ADAMTS17: variants seen among roughly 807,000 people sequenced by gnomAD.
ADAMTS17 encodes A disintegrin and metalloproteinase with thrombospondin motifs 17.
In ADAMTS17, 113 loss-of-function variants were observed where a neutral mutation model predicts 141.5. The ratio of observed to expected loss-of-function variants is 0.80; its 90% CI spans 0.69 to 0.93. The LOEUF (loss-of-function observed/expected upper bound fraction) is 0.93. Ranked by LOEUF, ADAMTS17 falls within the 40% of genes least tolerant of loss-of-function variation. The pLI, the probability that ADAMTS17 is intolerant of heterozygous loss-of-function variation, is 0.00. For synonymous variants in ADAMTS17, 768 were observed against 630.6 expected, an observed-to-expected ratio of 1.22 and a Z score of -3.27; for missense variants, 1,659 against 1,517.9, an observed-to-expected ratio of 1.09 and a Z score of -1.54.
At chr15:100,134,451 TTGGAGCAGGAAGACA>T (rs2038221658) in intron 10 of ADAMTS17, among the ~76,000 whole-genome samples, 4 of 152,166 alleles carry the variant, frequency 2.6e-5, no homozygotes, top group African/African-American at 9.7e-5. Flanking sequence ...AAGGCCCAAG[TTGGAGCAGGAAGACA>T]TCACCCTCCA....
chr15:100,242,939 C>G (rs2042870705), intron 7 of ADAMTS17, among the ~76,000 whole-genome samples: 1 of 152,220 alleles, frequency 6.6e-6, no homozygotes, highest in South Asian at 2.1e-4. Context: ...AACTTTTCAT[C>G]TTCCTCAACT....
chr15:99,984,203 C>T lies in ADAMTS17; in HGVS notation c.2950-7981G>A, dbSNP rs373240304. On this transcript the variant is annotated intron_variant, in intron 20 of 21. Transcript: ENST00000268070. The stretch of plus-strand genomic sequence containing the variant: ...CAGGGAACCAGGAGGCTGAGGTGAC[C>T]CCCGATGGCCTGCAGGGGCCGGGTC... Among the ~76,000 whole-genome samples the T allele has an allele frequency of 3.3e-4, 51 of 152,242 alleles. 1 individual carries two copies. The highest frequency in any genetic ancestry group is 1.1e-3 in the African/African-American group (44 of 41,532).
chr15:100,005,654 G>A (rs770595257), intron 18 of ADAMTS17, among the ~76,000 whole-genome samples: 3 of 152,090 alleles, frequency 2.0e-5, no homozygotes, highest in Non-Finnish European at 2.9e-5. Context: ...TTACCAACCC[G>A]ATAATCAGTT....
At chr15:100,019,391 G>A (rs1466231456) in intron 18 of ADAMTS17, among the ~76,000 whole-genome samples, 1 of 152,138 alleles carries the variant, frequency 6.6e-6, no homozygotes. Context: ...TACAGCGATT[G>A]TAAAGATTTG....
At position 100,190,157 on chromosome 15, in the gene ADAMTS17, C is replaced by T. The variant is rs569837284; in HGVS notation, c.1181+9161G>A. Among the ~76,000 whole-genome samples the T allele has an allele frequency of 7.2e-5, 11 of 152,322 alleles. 1 individual carries two copies. Among genetic ancestry groups the T allele is most frequent in the Middle Eastern group, 6.8e-3 (2 of 294 alleles). On this transcript the variant is annotated intron_variant, in intron 8 of 21. Transcript: ENST00000268070. ...ACTCGCTAAGAAAATGATAACCTCC[C>T]TCATTCTACATCCATCTACTGATGT... is the stretch of plus-strand genomic sequence containing the variant.
rs55686011 is a variant in ADAMTS17 at position 100,301,491 on chromosome 15, A to ATTT, written c.617-20093_617-20091dup. 4.8e-3 allele frequency among the ~76,000 whole-genome samples: 637 copies of ATTT among 133,288 alleles called. 5 individuals are homozygous for ATTT. Among genetic ancestry groups the ATTT allele is most frequent in the African/African-American group, 0.016 (577 of 35,304 alleles). 87.4% of individuals were successfully genotyped at this position (133,288 alleles called of 152,430 possible). A position where few individuals can be genotyped will look rare whatever the true frequency, so the allele number is the denominator to read the frequency against. ...AGGCGCCCACCACCACACCGGGCTA[A>ATTT]TTTTTTTTTTTTTTTTTTTGTATAT... is the stretch of plus-strand genomic sequence containing the variant. On this transcript the variant is annotated intron_variant, in intron 3 of 21. Coordinates refer to ENST00000268070, the MANE Select transcript of ADAMTS17 (RefSeq NM_139057.4).
At chr15:100,287,309 C>T (rs1024739970) in intron 3 of ADAMTS17, among the ~76,000 whole-genome samples, 13 of 152,288 alleles carry the variant, frequency 8.5e-5, no homozygotes, top group African/African-American at 3.1e-4. Context: ...AGTTCGAAGA[C>T]TGGTTCTCTG....
At chr15:100,247,463 A>C (rs1435682434) in intron 7 of ADAMTS17, among the ~76,000 whole-genome samples, 1 of 152,194 alleles carries the variant, frequency 6.6e-6, no homozygotes, top group African/African-American at 2.4e-5. Context: ...ACTGTAACAC[A>C]GAAAACGCTG....
intron 15 of ADAMTS17, among the ~76,000 whole-genome samples, chr15:100,056,573 G>A (rs184860322): frequency 6.6e-6 from 1 of 152,166 alleles, no homozygotes; most frequent in South Asian, 2.1e-4. Context: ...GCGCTCCTAT[G>A]AGAATCTAAT....
chr15:100,264,188 T>G (rs2043629811), intron 4 of ADAMTS17, among the ~76,000 whole-genome samples: 1 of 152,234 alleles, frequency 6.6e-6, no homozygotes, highest in African/African-American at 2.4e-5. Flanking sequence ...GTTGTTTTCT[T>G]AATACTGGAC....
At chr15:100,315,221 G>A (rs980507191) in intron 3 of ADAMTS17, among the ~76,000 whole-genome samples, 3 of 152,210 alleles carry the variant, frequency 2.0e-5, no homozygotes, top group Admixed American at 1.3e-4. Context: ...ATCCACTGCA[G>A]GGATAAGGAG....
intron 12 of ADAMTS17, among the ~76,000 whole-genome samples, chr15:100,123,175 C>T (rs1329573365): frequency 6.6e-6 from 1 of 152,168 alleles, no homozygotes; most frequent in African/African-American, 2.4e-5. Flanking sequence ...GCGAGTGCAG[C>T]AGGGACCAGA....
At chr15:100,135,611 G>A (rs565197266) in intron 10 of ADAMTS17, among the ~76,000 whole-genome samples, 1 of 152,058 alleles carries the variant, frequency 6.6e-6, no homozygotes, top group Non-Finnish European at 1.5e-5. Context: ...TTACCAAAAG[G>A]CAACTGTAAG....
chr15:100,168,215 G>A lies in ADAMTS17; in HGVS notation c.1182-12895C>T, dbSNP rs959175371. On this transcript the variant is annotated intron_variant, in intron 8 of 21. Coordinates refer to ENST00000268070, the MANE Select transcript of ADAMTS17 (RefSeq NM_139057.4). ...TCCTGGTCTGCCAAGGGTGCACTGCGAATGACGGGAGGAACCACCTCCTGG... is the reference window on the plus strand; with the variant it reads ...TCCTGGTCTGCCAAGGGTGCACTGCAAATGACGGGAGGAACCACCTCCTGG... Among the ~76,000 whole-genome samples, 12 of 152,304 alleles carry A rather than the reference G, an allele frequency of 7.9e-5. No individual in the cohort carries two copies. In the South Asian group the frequency reaches 1.2e-3, roughly 16 times the overall value.
At chr15:100,029,001 T>C (rs553802947) in intron 18 of ADAMTS17, among the ~76,000 whole-genome samples, 1 of 152,232 alleles carries the variant, frequency 6.6e-6, no homozygotes, top group Non-Finnish European at 1.5e-5. Flanking sequence ...TTTGCGGACA[T>C]CTCGCTGTCT....
At chr15:100,332,343 G>A (rs528037676) in intron 2 of ADAMTS17, among the ~76,000 whole-genome samples, 116 of 152,390 alleles carry the variant, frequency 7.6e-4, no homozygotes, top group African/African-American at 2.6e-3. Context: ...AGCTGTGCGC[G>A]ATGCGGCCTC....
intron 3 of ADAMTS17, among the ~76,000 whole-genome samples, chr15:100,309,900 C>A (rs944552523): frequency 6.6e-6 from 1 of 152,182 alleles, no homozygotes; most frequent in Non-Finnish European, 1.5e-5. Flanking sequence ...ACAGCAGAGA[C>A]CCCAGGACCC....
chr15:100,220,426 C>G (rs1008851791), intron 7 of ADAMTS17, among the ~76,000 whole-genome samples: 2 of 152,170 alleles, frequency 1.3e-5, no homozygotes, highest in African/African-American at 4.8e-5. Context: ...GTAGAAATAA[C>G]AGTAACATGA....
At chr15:100,057,467 G>A (rs1014701172) in intron 15 of ADAMTS17, among the ~76,000 whole-genome samples, 2 of 152,140 alleles carry the variant, frequency 1.3e-5, no homozygotes, top group Non-Finnish European at 1.5e-5. Context: ...AGCACGGACC[G>A]GCTGAGTCCC....
Sources: allele counts gnomAD v4.1 joint callset (sites outside exome capture counted in the v4.1 genomes callset), GRCh38; gene constraint gnomAD v4.1.1; transcripts MANE v1.5; gene names NCBI Gene and HGNC (gene_info 2026-07-23, HGNC 2026-07-21).